Variants in DNAH14 observed in about 807,000 individuals in gnomAD.
The protein encoded by DNAH14 is dynein axonemal heavy chain 14.
DNAH14 carries 478 observed loss-of-function variants against 520.9 expected under a neutral mutation model. The observed-to-expected ratio is 0.92, with a 90% confidence interval of 0.85 to 0.99. The LOEUF (loss-of-function observed/expected upper bound fraction) is 0.99. Ranked by LOEUF, DNAH14 falls within the 50% of genes least tolerant of loss-of-function variation. The pLI is 0.00. For synonymous variants in DNAH14, 1,581 were observed against 1,757.2 expected (o/e 0.90, Z 2.51); for missense variants, 4,831 against 5,234.5 (o/e 0.92, Z 2.38).
At chr1:225,229,710 T>C (rs1005049359) in intron 41 of DNAH14, among the ~76,000 whole-genome samples, 1 of 151,402 alleles carries the variant, frequency 6.6e-6, no homozygotes, top group African/African-American at 2.4e-5. Context: ...TAAGCTGGAG[T>C]TGAACAATGA....
chr1:225,385,452 G>T (rs1363805965), intron 81 of DNAH14, among the ~76,000 whole-genome samples: 1 of 152,180 alleles, frequency 6.6e-6, no homozygotes, highest in African/African-American at 2.4e-5. Context: ...CCTGTTTGCA[G>T]ATGACATGAT....
At chr1:225,208,883 C>G (rs2087955069) in intron 41 of DNAH14, among the ~76,000 whole-genome samples, 1 of 152,110 alleles carries the variant, frequency 6.6e-6, no homozygotes, top group South Asian at 2.1e-4. Context: ...TGCTGTAAGC[C>G]CATTGAAAGA....
chr1:225,239,141 G>C (rs570722639), intron 42 of DNAH14, among the ~76,000 whole-genome samples: 3 of 152,188 alleles, frequency 2.0e-5, no homozygotes, highest in Non-Finnish European at 4.4e-5. Context: ...GAACGATGCT[G>C]TTTGGCTCCC....
chr1:224,967,977 A>G, intron 6 of DNAH14: 1 of 1,062,432 alleles, frequency 9.4e-7, no homozygotes, highest in Non-Finnish European at 1.1e-6. Flanking sequence ...TTACACTCTT[A>G]TATAGCATTT....
intron 38 of DNAH14, among the ~76,000 whole-genome samples, chr1:225,194,778 T>C (rs539092653): frequency 6.6e-6 from 1 of 151,076 alleles, no homozygotes; most frequent in South Asian, 2.1e-4. Context: ...CCGATAAAAA[T>C]CTAATATCTG....
chr1:225,372,079 C>T (rs2095625508), intron 77 of DNAH14, among the ~76,000 whole-genome samples: 1 of 152,144 alleles, frequency 6.6e-6, no homozygotes, highest in South Asian at 2.1e-4. Context: ...AGGTCCGATT[C>T]CACAGTTCGT....
intron 43 of DNAH14, among the ~76,000 whole-genome samples, chr1:225,241,834 T>C (rs1377515869): frequency 2.0e-5 from 3 of 152,188 alleles, no homozygotes; most frequent in Admixed American, 2.0e-4. Flanking sequence ...TCTGAGTTAG[T>C]GGAGAGTGAC....
At chr1:225,395,643 G>A (rs1215691335) in intron 84 of DNAH14, 2 of 152,220 alleles carry the variant, frequency 1.3e-5, no homozygotes, top group East Asian at 1.9e-4. Flanking sequence ...GGCTTGGAGA[G>A]GGTGATGTTT....
Position 225,321,094 on chromosome 1 carries a change from C to G in DNAH14, c.9336-1570C>G, listed in dbSNP as rs760496309. On this transcript the variant is annotated intron_variant, in intron 61 of 85. Coordinates refer to ENST00000682510, the MANE Select transcript of DNAH14 (RefSeq NM_001367479.1). ...TTCCCATTATTTCAAAAAGGCCAAG[C>G]TGATAATCTCAGAAAAGCAACCTGA... 5.5e-4 allele frequency among the ~76,000 whole-genome samples: 84 copies of G among 152,236 alleles called. 1 individual carries two copies. The highest frequency in any genetic ancestry group is 9.8e-4 in the Admixed American group (15 of 15,284).
At chr1:224,984,357 G>T (rs945712062) in intron 8 of DNAH14, among the ~76,000 whole-genome samples, 3 of 151,624 alleles carry the variant, frequency 2.0e-5, no homozygotes, top group Non-Finnish European at 4.4e-5. Context: ...GAATGAAACT[G>T]GATCCTCATC....
At chr1:225,241,067 C>G (rs185175601) in intron 43 of DNAH14, among the ~76,000 whole-genome samples, 97 of 152,266 alleles carry the variant, frequency 6.4e-4, no homozygotes, top group Admixed American at 1.6e-3. Flanking sequence ...ATAAAACTAT[C>G]AATTCAGTTA....
At position 225,192,833 on chromosome 1, in the gene DNAH14, T is replaced by G. The variant is rs1275842303; in HGVS notation, c.5808T>G (p.Tyr1936Ter). ...DGLLSATIRS[Y>*]VYFNTPKNTK... ...TATTATCAGCAACAATTCGAAGTTA[T>G]GTATATTTTAACACACCAAAGAACA... The change falls in exon 38 of 86, where the codon TAT (tyrosine) becomes TAG (stop). Residue 1936 changes from tyrosine to a stop codon, truncating the protein, a stop_gained. Coordinates refer to ENST00000682510, the MANE Select transcript of DNAH14 (RefSeq NM_001367479.1). LOFTEE classifies it high-confidence loss of function. 3.2e-6 allele frequency: 5 copies of G among 1,550,182 alleles called. No individual in the cohort carries two copies. The Admixed American group carries it at 9.8e-5, about 30-fold the overall frequency.
At chr1:225,335,332 T>C (rs1279664049) in intron 66 of DNAH14, among the ~76,000 whole-genome samples, 1 of 80,488 alleles carries the variant, frequency 1.2e-5, no homozygotes. Context: ...CATATACACG[T>C]GTGTACATGT....
In DNAH14 at chr1:225,201,738, C is replaced by T. The variant is rs555421341; in HGVS notation, c.5887-2445C>T. ...GAACCATCTATGGGTCTCTCAGCCACGGGTAGCAGCAGCTGCTTCAGTGGA... is the reference window on the plus strand; with the variant it reads ...GAACCATCTATGGGTCTCTCAGCCATGGGTAGCAGCAGCTGCTTCAGTGGA... On this transcript the variant is annotated intron_variant, in intron 38 of 85. Transcript: ENST00000682510. Among the ~76,000 whole-genome samples the T allele has an allele frequency of 1.1e-4, 17 of 152,196 alleles. No homozygotes were observed. The East Asian group carries it at 3.3e-3, about 29-fold the overall frequency.
intron 60 of DNAH14, among the ~76,000 whole-genome samples, chr1:225,318,308 C>G (rs2094501746): frequency 6.6e-6 from 1 of 152,150 alleles, no homozygotes; most frequent in Non-Finnish European, 1.5e-5. Context: ...ATTGTTAATT[C>G]TACACTGAGT....
chr1:225,331,395 G>C (rs1021359921), intron 64 of DNAH14, 42 bp from the exon 65 acceptor site: 51 of 1,532,354 alleles, frequency 3.3e-5, no homozygotes, highest in Admixed American at 6.2e-5. Flanking sequence ...AGCAAAATGA[G>C]AGTAAGATAT....
intron 22 of DNAH14, among the ~76,000 whole-genome samples, chr1:225,100,036 C>T (rs1268453960): frequency 1.3e-5 from 2 of 152,082 alleles, no homozygotes; most frequent in Non-Finnish European, 2.9e-5. Context: ...AACTATTTCT[C>T]TCATTCAATT....
chr1:225,391,592 C>T (rs1245611909), intron 83 of DNAH14, among the ~76,000 whole-genome samples: 2 of 151,792 alleles, frequency 1.3e-5, no homozygotes, highest in African/African-American at 4.8e-5. Flanking sequence ...GAAGCAGAAG[C>T]AACTGGACTC....
At chr1:225,081,069 C>A (rs1417240921) in intron 19 of DNAH14, among the ~76,000 whole-genome samples, 1 of 152,198 alleles carries the variant, frequency 6.6e-6, no homozygotes, top group East Asian at 1.9e-4. Flanking sequence ...AAAGGACCAT[C>A]TGCATAATCA....
Sources: gnomAD v4.1 joint callset for allele counts (sites outside exome capture counted in the v4.1 genomes callset) on GRCh38, gnomAD v4.1.1 for gene constraint, MANE v1.5 for transcripts, NCBI Gene and HGNC (gene_info 2026-07-23, HGNC 2026-07-21) for gene names.